NDUFAF2: variants seen among roughly 807,000 people sequenced by gnomAD.
NDUFAF2 encodes the protein NADH dehydrogenase [ubiquinone] 1 alpha subcomplex assembly factor 2.
NDUFAF2 carries 13 observed loss-of-function variants against 22.8 expected under a neutral mutation model. That is an observed-to-expected ratio of 0.57 (90% CI 0.37 to 0.91). NDUFAF2 has a LOEUF of 0.91. NDUFAF2 is among the 40% of genes least tolerant of loss of function. NDUFAF2 has a pLI of 0.01. For missense variants in NDUFAF2, 162 were observed against 195.2 expected, an observed-to-expected ratio of 0.83 and a Z score of 1.01; for synonymous variants, 53 against 64.2, an observed-to-expected ratio of 0.83 and a Z score of 0.84.
intron 1 of NDUFAF2, among the ~76,000 whole-genome samples, chr5:61,000,700 A>G (rs967477787): frequency 6.6e-6 from 1 of 152,002 alleles, no homozygotes; most frequent in African/African-American, 2.4e-5. Flanking sequence ...TAGATGAGGA[A>G]TTTTCACCTG....
intron 3 of NDUFAF2, among the ~76,000 whole-genome samples, chr5:61,140,221 G>A (rs1476573859): frequency 6.6e-6 from 1 of 152,242 alleles, no homozygotes; most frequent in Admixed American, 6.5e-5. Context: ...AACAGGGATT[G>A]TCCTCATCTC....
intron 3 of NDUFAF2, among the ~76,000 whole-genome samples, chr5:61,120,498 ACAAAGC>A (rs2111797907): frequency 6.6e-6 from 1 of 152,258 alleles, no homozygotes; most frequent in East Asian, 1.9e-4. Context: ...ATACTTCTAT[ACAAAGC>A]TGAGGTCTGA....
intron 3 of NDUFAF2, among the ~76,000 whole-genome samples, chr5:61,152,028 A>G (rs1741247936): frequency 6.6e-6 from 1 of 152,166 alleles, no homozygotes; most frequent in African/African-American, 2.4e-5. Context: ...ATTGATTGTA[A>G]TTTTGGGTAT....
chr5:61,016,298 G>C (rs1430928122), intron 1 of NDUFAF2, among the ~76,000 whole-genome samples: 3 of 152,128 alleles, frequency 2.0e-5, no homozygotes, highest in Non-Finnish European at 4.4e-5. Flanking sequence ...AGGACCAAAG[G>C]CGGCAGAGGA....
chr5:60,965,237 C>T (rs1363552262), intron 1 of NDUFAF2, among the ~76,000 whole-genome samples: 5 of 151,984 alleles, frequency 3.3e-5, no homozygotes, highest in Non-Finnish European at 5.9e-5. Flanking sequence ...AATTTTCCTC[C>T]GACTTTATTA....
chr5:61,087,140 G>A (rs368082734), intron 2 of NDUFAF2, among the ~76,000 whole-genome samples: 5 of 152,156 alleles, frequency 3.3e-5, no homozygotes, highest in African/African-American at 1.2e-4. Flanking sequence ...GATAATATTA[G>A]TGCCCGTAGG....
At chr5:61,022,526 G>T (rs974992520) in intron 1 of NDUFAF2, among the ~76,000 whole-genome samples, 1 of 152,122 alleles carries the variant, frequency 6.6e-6, no homozygotes, top group African/African-American at 2.4e-5. Context: ...TTGTTATTGC[G>T]TATGAGACAT....
intron 1 of NDUFAF2, among the ~76,000 whole-genome samples, chr5:61,065,862 CA>C (rs757977921): frequency 2.2e-4 from 33 of 151,852 alleles, no homozygotes; most frequent in Non-Finnish European, 3.8e-4. Flanking sequence ...AGATAAGAAA[CA>C]GAAATAAAAG....
intron 1 of NDUFAF2, among the ~76,000 whole-genome samples, chr5:61,056,889 CAAAAAAAAAAAAAAAAAA>C (rs144850054): frequency 6.4e-5 from 3 of 46,800 alleles, no homozygotes; most frequent in African/African-American, 4.1e-4. Context: ...ACTCTGTCTC[CAAAAAAAAAAAAAAAAAA>C]AAAAAAAAAA....
At chr5:60,949,771 T>G (rs75504987) in intron 1 of NDUFAF2, among the ~76,000 whole-genome samples, 11,678 of 152,274 alleles carry the variant, frequency 0.077, 604 homozygotes, top group Non-Finnish European at 0.11. Flanking sequence ...TATCACTGAT[T>G]TGTAGTTTTC....
chr5:61,123,580 C>T (rs1033431248), intron 3 of NDUFAF2, among the ~76,000 whole-genome samples: 1 of 152,198 alleles, frequency 6.6e-6, no homozygotes, highest in African/African-American at 2.4e-5. Context: ...TTAAATCCAA[C>T]TTACTTTGTA....
rs749566366 is a variant in NDUFAF2 at position 61,099,006 on chromosome 5, AC to A, written c.233del (p.Thr78LysfsTer12). The A allele has an allele frequency of 1.2e-6, 2 of 1,600,262 alleles. No homozygotes were observed. The highest frequency in any genetic ancestry group is 4.5e-5 in the East Asian group (2 of 44,628). ...TTTCTTTCTAGCTTGGATTAGAAGA[AC>A]AAGAAAGACTCCACCTACTATGGAG... ...PTEWEAWIRR[T>X]RKTPPTMEEI... On this transcript the variant is annotated frameshift_variant, in exon 3 of 4. Transcript: ENST00000296597. LOFTEE classifies it high-confidence loss of function.
intron 1 of NDUFAF2, among the ~76,000 whole-genome samples, chr5:61,014,984 C>T (rs1193760057): frequency 6.6e-6 from 1 of 151,990 alleles, no homozygotes; most frequent in Non-Finnish European, 1.5e-5. Context: ...TATTCAACAC[C>T]CATGATATAG....
rs1387028446 is a variant in NDUFAF2 at position 61,118,776 on chromosome 5, A to G, written c.258+19744A>G. On this transcript the variant is annotated intron_variant, in intron 3 of 3. Coordinates refer to ENST00000296597, the MANE Select transcript of NDUFAF2 (RefSeq NM_174889.5). The stretch of plus-strand genomic sequence containing the variant: ...AAGATAAAATGTGCAAAAAACGAAG[A>G]AAAAACACTGCTACTATTATTTATG... Among the ~76,000 whole-genome samples, 5 of 152,344 alleles carry G rather than the reference A, an allele frequency of 3.3e-5. No individual in the cohort carries two copies. The East Asian group carries it at 9.6e-4, about 29-fold the overall frequency.
chr5:61,134,628 G>A (rs997598377), intron 3 of NDUFAF2, among the ~76,000 whole-genome samples: 4 of 152,332 alleles, frequency 2.6e-5, no homozygotes, highest in Admixed American at 6.5e-5. Flanking sequence ...AGAGCTTGCA[G>A]TGAGCTGAGA....
intron 1 of NDUFAF2, among the ~76,000 whole-genome samples, chr5:61,039,020 C>T (rs1196135743): frequency 6.6e-6 from 1 of 151,004 alleles, no homozygotes; most frequent in Non-Finnish European, 1.5e-5. Flanking sequence ...ATGGTAAGTC[C>T]CTATTTTAAT....
At chr5:61,116,347 C>T (rs752999176) in intron 3 of NDUFAF2, 4 of 152,104 alleles carry the variant, frequency 2.6e-5, no homozygotes, top group Non-Finnish European at 5.9e-5. Flanking sequence ...AAAATAACTG[C>T]TATCCTCAGC....
At chr5:60,974,378 A>G (rs1242546290) in intron 1 of NDUFAF2, among the ~76,000 whole-genome samples, 1 of 152,166 alleles carries the variant, frequency 6.6e-6, no homozygotes, top group Middle Eastern at 3.2e-3. Flanking sequence ...TTCTGCTTTT[A>G]AAGTTTTGGG....
At chr5:61,025,312 G>A (rs549246247) in intron 1 of NDUFAF2, among the ~76,000 whole-genome samples, 1 of 151,996 alleles carries the variant, frequency 6.6e-6, no homozygotes, top group Admixed American at 6.6e-5. Context: ...CAGATCATCC[G>A]TAAGATTTGT....
Sources: gnomAD v4.1 joint callset for allele counts (sites outside exome capture counted in the v4.1 genomes callset) on GRCh38, gnomAD v4.1.1 for gene constraint, MANE v1.5 for transcripts, NCBI Gene and HGNC (gene_info 2026-07-23, HGNC 2026-07-21) for gene names.